Variants in ALG3 observed in about 807,000 individuals in gnomAD.
ALG3 encodes dol-P-Man:Man(5)GlcNAc(2)-PP-Dol alpha-1,3-mannosyltransferase.
Under a neutral mutation model 50.5 loss-of-function variants are expected in ALG3, and 39 were observed. The ratio of observed to expected loss-of-function variants is 0.77; its 90% CI spans 0.60 to 1.01. The LOEUF is 1.01. Among genes scored for constraint, ALG3 ranks in the 50% least tolerant of loss-of-function variants. ALG3 has a pLI of 0.00. For missense variants in ALG3, 520 were observed against 554.8 expected, an observed-to-expected ratio of 0.94 and a Z score of 0.63; for synonymous variants, 252 against 237.2, an observed-to-expected ratio of 1.06 and a Z score of -0.58.
At chr3:184,248,414 G>C (rs561282445) in intron 1 of ALG3, among the ~76,000 whole-genome samples, 1 of 151,902 alleles carries the variant, frequency 6.6e-6, no homozygotes, top group Non-Finnish European at 1.5e-5. Flanking sequence ...TGAGATCCAG[G>C]AGGAGACCTG....
intron 1 of ALG3, among the ~76,000 whole-genome samples, chr3:184,247,407 C>A (rs1245370103): frequency 6.6e-6 from 1 of 152,006 alleles, no homozygotes; most frequent in African/African-American, 2.4e-5. Flanking sequence ...AAGCAATTCT[C>A]CTGTCTCAAC....
chr3:184,243,938 A>G lies in ALG3; in HGVS notation c.785T>C (p.Phe262Ser). Residue 262 changes from phenylalanine (F) to serine (S), a missense_variant, in exon 6 of 9, where the codon TTT (phenylalanine) becomes TCT (serine). By Grantham distance (155) the Phe-to-Ser change is radical. Around this residue, in one of 3 missense-constraint regions of ALG3, gnomAD observed 224 missense variants for 272.8 expected, o/e 0.82. Transcript: ENST00000397676. The stretch of plus-strand genomic sequence containing the variant: ...GAACAGAAACTGGCGGCCAAGGTCA[A>G]AGGAGCGGGACAGGTAGCCGCTGGG... Reference protein sequence around the residue: ...ENPSGYLSRSFDLGRQFLFHW... With the variant: ...ENPSGYLSRSSDLGRQFLFHW... 2 of 1,613,880 alleles carry G rather than the reference A, an allele frequency of 1.2e-6. No individual in the cohort carries two copies. Among genetic ancestry groups the G allele is most frequent in the Non-Finnish European group, 1.7e-6 (2 of 1,179,882 alleles).
At position 184,242,970 on chromosome 3, in the gene ALG3, C is replaced by A; in HGVS notation, c.1010-13G>T. 4 of 1,612,344 alleles carry A rather than the reference C, an allele frequency of 2.5e-6. No individual in the cohort carries two copies. The highest frequency in any genetic ancestry group is 2.2e-5 in the South Asian group (2 of 90,874). ...GTAGAAACGATCTGTATGCGGTGGT[C>A]AAGGCCAAGGGCAGGAGTGTGTGTG... On this transcript the variant is annotated splice_polypyrimidine_tract_variant and intron_variant, in intron 7 of 8. Coordinates refer to ENST00000397676, the MANE Select transcript of ALG3 (RefSeq NM_005787.6).
At chr3:184,243,375 A>C in intron 7 of ALG3, 179 bp downstream of exon 7, 1 of 623,306 alleles carries the variant, frequency 1.6e-6, no homozygotes, top group Non-Finnish European at 2.8e-6. Context: ...TCGTATTTAG[A>C]ATTAAGAATC....
rs557190648 is a variant in ALG3 at position 184,243,833 on chromosome 3, T to C, written c.890A>G (p.His297Arg). 9.3e-6 allele frequency: 15 copies of C among 1,613,846 alleles called. No individual in the cohort carries two copies. In the Admixed American group the frequency reaches 2.0e-4, roughly 22 times the overall value. The change falls in exon 6 of 9, where the codon CAC becomes CGC. Residue 297 changes from histidine (H) to arginine (R), a missense_variant. By Grantham distance (29) the His-to-Arg change is conservative (BLOSUM62 0). This residue lies in a region of ALG3 where 224 missense variants were observed against 272.8 expected (regional missense o/e 0.82). Transcript: ENST00000397676. Reference protein sequence around the residue: ...RAFHLALLTAHLTLLLLFALC... With the variant: ...RAFHLALLTARLTLLLLFALC... The stretch of plus-strand genomic sequence containing the variant: ...GGCAAACAGCAGGAGCAGGGTGAGG[T>C]GGGCAGTCAACAGGGCCAGGTGGAA...
rs539964826 is a variant in ALG3 at position 184,244,784 on chromosome 3, A to G, written c.606-63T>C. 6.0e-4 allele frequency: 932 copies of G among 1,561,618 alleles called. 16 individuals are homozygous for G. In the South Asian group the frequency reaches 0.01, roughly 17 times the overall value. On this transcript the variant is annotated intron_variant, in intron 4 of 8. Transcript: ENST00000397676. The stretch of plus-strand genomic sequence containing the variant: ...TCCAGGGCCATGCACACAACACCCA[A>G]AGACATACCCCCCACCATCACCACA...
In ALG3 at chr3:184,242,956, C is replaced by A. The variant is rs1223870462; in HGVS notation, c.1011G>T (p.Gln337His). The A allele has an allele frequency of 1.9e-6, 3 of 1,613,202 alleles. No homozygotes were observed. Among genetic ancestry groups the A allele is most frequent in the Non-Finnish European group, 2.5e-6 (3 of 1,179,778 alleles). The change falls in exon 8 of 9, where the codon CAG (glutamine) becomes CAT (histidine). Residue 337 changes from glutamine (Q) to histidine (H), a missense_variant and splice_region_variant. Transcript: ENST00000397676. ...TGGAGGTGAAGAGGGTAGAAACGAT[C>A]TGTATGCGGTGGTCAAGGCCAAGGG... ...KVPPQPLTPN[Q>H]IVSTLFTSNF...
At chr3:184,248,522 T>G (rs1029515629) in intron 1 of ALG3, among the ~76,000 whole-genome samples, 2 of 152,180 alleles carry the variant, frequency 1.3e-5, no homozygotes. Flanking sequence ...GTAAGTTCAG[T>G]GCAGAAGGCC....
upstream of ALG3, chr3:184,249,025 T>G (rs1560167454): frequency 2.0e-6 from 3 of 1,531,258 alleles, no homozygotes; most frequent in African/African-American, 4.1e-5. Flanking sequence ...GTGCCTGGCG[T>G]CCCACCAGGC....
chr3:184,244,960 G>A, intron 4 of ALG3: 2 of 746,222 alleles, frequency 2.7e-6, no homozygotes, highest in Non-Finnish European at 4.4e-6. Flanking sequence ...TATTTAGAAT[G>A]TGAAGGACTA....
chr3:184,244,445 C>T (rs932278906), intron 5 of ALG3, 156 bp downstream of exon 5: 15 of 916,060 alleles, frequency 1.6e-5, no homozygotes, highest in Non-Finnish European at 2.4e-5. Flanking sequence ...TATTTTACAG[C>T]TATGGAAACT....
At chr3:184,249,216 TC>T (rs764312942), upstream of ALG3, 1 of 1,612,262 alleles carries the variant, frequency 6.2e-7, no homozygotes, top group South Asian at 1.1e-5. Context: ...AAAGCAACAT[TC>T]CTGCCTACCT....
Position 184,243,714 on chromosome 3 carries a change from C to G in ALG3, c.932+77G>C, listed in dbSNP as rs1718964509. 3 of 1,593,936 alleles carry G rather than the reference C, an allele frequency of 1.9e-6. No individual in the cohort carries two copies. The South Asian group carries it at 3.4e-5, about 18-fold the overall frequency. ...CACCCCATGAGCTTAACTGACACTT[C>G]CCCCAAGCAGCCCCTAAGGCTTAGG... is the stretch of plus-strand genomic sequence containing the variant. On this transcript the variant is annotated intron_variant, in intron 6 of 8. Coordinates refer to ENST00000397676, the MANE Select transcript of ALG3 (RefSeq NM_005787.6).
upstream of ALG3, chr3:184,249,039 G>A (rs950940150): frequency 2.0e-6 from 3 of 1,525,040 alleles, no homozygotes; most frequent in South Asian, 1.2e-5. Context: ...ACCAGGCTAA[G>A]CGCCGATCCG....
In ALG3 at chr3:184,245,225, C is replaced by CG; in HGVS notation, c.577dup (p.Arg193ProfsTer71). On this transcript the variant is annotated frameshift_variant, in exon 4 of 9. Coordinates refer to ENST00000397676, the MANE Select transcript of ALG3 (RefSeq NM_005787.6). LOFTEE classifies it high-confidence loss of function. ...GAAAAAGCAGCAACCCCAGCCCCAGCGCTGGGCCAGCAGGAGGTTGATACT... is the reference window on the plus strand; with the variant it reads ...GAAAAAGCAGCAACCCCAGCCCCAGCGGCTGGGCCAGCAGGAGGTTGATACT... 1 of 1,613,856 alleles carries CG rather than the reference C, an allele frequency of 6.2e-7. No individual in the cohort carries two copies. Among genetic ancestry groups the CG allele is most frequent in the East Asian group, 2.2e-5 (1 of 44,878 alleles).
chr3:184,242,906 C>G lies in ALG3; in HGVS notation c.1061G>C (p.Arg354Pro), dbSNP rs546890576. The G allele has an allele frequency of 6.2e-7, 1 of 1,613,750 alleles. No homozygotes were observed. Among genetic ancestry groups the G allele is most frequent in the African/African-American group, 1.3e-5 (1 of 75,020 alleles). ...TSNFIGICFS[R>P]SLHYQFYVWY... Reference sequence around the variant, plus strand: ...GACGTAGAACTGGTAGTGGAGGGAGCGGCTGAAGCAGATGCCAATGAAGTT... The same window carrying G: ...GACGTAGAACTGGTAGTGGAGGGAGGGGCTGAAGCAGATGCCAATGAAGTT... Residue 354 changes from arginine (R) to proline (P), a missense_variant, in exon 8 of 9, where the codon CGC (arginine) becomes CCC (proline). By Grantham distance (103) the Arg-to-Pro change is moderately radical. Coordinates refer to ENST00000397676, the MANE Select transcript of ALG3 (RefSeq NM_005787.6).
In ALG3 at chr3:184,242,885, T is replaced by C. The variant is rs747389321; in HGVS notation, c.1082A>G (p.Tyr361Cys). 6 of 1,613,666 alleles carry C rather than the reference T, an allele frequency of 3.7e-6. No individual in the cohort carries two copies. The highest frequency in any genetic ancestry group is 1.3e-5 in the African/African-American group (1 of 74,982). ...CFSRSLHYQF[Y>C]VWYFHTLPYL... ...GGGCAGTGTGTGGAAATACCAGACG[T>C]AGAACTGGTAGTGGAGGGAGCGGCT... The change falls in exon 8 of 9, where the codon TAC (tyrosine) becomes TGC (cysteine). Residue 361 changes from tyrosine (Y) to cysteine (C), a missense_variant. Transcript: ENST00000397676.
chr3:184,243,866 T>C lies in ALG3; in HGVS notation c.857A>G (p.His286Arg). The C allele has an allele frequency of 6.2e-7, 1 of 1,614,020 alleles. No individual in the cohort carries two copies. The highest frequency in any genetic ancestry group is 8.5e-7 in the Non-Finnish European group (1 of 1,179,896). The part of the protein sequence containing the change: ...WRFLPEALFL[H>R]RAFHLALLTA... ...CAACAGGGCCAGGTGGAAGGCTCGA[T>C]GCAGGAAGAGCGCCTCTGGGAGGAA... The change falls in exon 6 of 9, where the codon CAT becomes CGT. Residue 286 changes from histidine to arginine, a missense_variant. This residue lies in a region of ALG3 where 224 missense variants were observed against 272.8 expected (regional missense o/e 0.82). Coordinates refer to ENST00000397676, the MANE Select transcript of ALG3 (RefSeq NM_005787.6).
rs1577104060 is a variant in ALG3, at chr3:184,245,056, T to C, written c.605+142A>G. ...TTGGGGGATGGCAGGGCAGAAACTT[T>C]CTATAGATCCTGGACTCGCTTTGTG... is the stretch of plus-strand genomic sequence containing the variant. On this transcript the variant is annotated intron_variant, in intron 4 of 8. Transcript: ENST00000397676. 4 of 1,161,686 alleles carry C rather than the reference T, an allele frequency of 3.4e-6. No individual in the cohort carries two copies. The East Asian group carries it at 7.7e-5, about 22-fold the overall frequency. The allele number at this position is 1,161,686 out of a possible 1,614,324, so 72.0% of individuals were successfully genotyped here.
Sources: gnomAD v4.1 joint callset for allele counts (sites outside exome capture counted in the v4.1 genomes callset) on GRCh38, gnomAD v4.1.1 for gene constraint, gnomAD v4.1.1 regional missense constraint, MANE v1.5 for transcripts, NCBI Gene and HGNC (gene_info 2026-07-23, HGNC 2026-07-21) for gene names.